CSMD1: variants seen among roughly 807,000 people sequenced by gnomAD.
The protein encoded by CSMD1 is CUB and sushi domain-containing protein 1.
Under a neutral mutation model 417.5 loss-of-function variants are expected in CSMD1, and 213 were observed. The observed-to-expected ratio is 0.51, with a 90% CI of 0.46 to 0.57. CSMD1 has a LOEUF of 0.57. Ranked by LOEUF, CSMD1 falls within the 20% of genes least tolerant of loss-of-function variation. The probability of loss-of-function intolerance (pLI) is 0.00; values close to 1 mark genes in which losing one functional copy is unlikely to be tolerated. For missense variants in CSMD1, 6,923 were observed against 4,529.7 expected (o/e 1.53, Z -15.17); for synonymous variants, 2,862 against 1,736.8 (o/e 1.65, Z -16.11).
At chr8:4,779,385 C>G (rs944690939) in intron 1 of CSMD1, among the ~76,000 whole-genome samples, 1 of 152,108 alleles carries the variant, frequency 6.6e-6, no homozygotes, top group Non-Finnish European at 1.5e-5. Context: ...TTCATAATCC[C>G]TTTAAAACTT....
chr8:3,682,036 T>C (rs953437532), intron 7 of CSMD1, among the ~76,000 whole-genome samples: 2 of 152,124 alleles, frequency 1.3e-5, no homozygotes, highest in African/African-American at 2.4e-5. Flanking sequence ...ATACAAAAAT[T>C]AATTCAAGAT....
At chr8:4,376,625 T>C (rs1414164778) in intron 3 of CSMD1, among the ~76,000 whole-genome samples, 1 of 152,202 alleles carries the variant, frequency 6.6e-6, no homozygotes, top group Non-Finnish European at 1.5e-5. Context: ...TTAAATAATA[T>C]TTCTTTTCAG....
At position 3,985,812 on chromosome 8, in the gene CSMD1, T is replaced by C. The variant is rs1020203116; in HGVS notation, c.818+12091A>G. Among the ~76,000 whole-genome samples the C allele has an allele frequency of 2.0e-5, 3 of 150,646 alleles. No individual in the cohort carries two copies. In the South Asian group the frequency reaches 6.3e-4, roughly 32 times the overall value. On this transcript the variant is annotated intron_variant, in intron 5 of 69. Coordinates refer to ENST00000635120, the MANE Select transcript of CSMD1 (RefSeq NM_033225.6). ...ACCCTGTCGCCCAGATTGGACAGGG[T>C]GAGACAGCATTCTTCAATGCTGAGA... is the stretch of plus-strand genomic sequence containing the variant.
chr8:4,153,357 C>G (rs990087118), intron 3 of CSMD1, among the ~76,000 whole-genome samples: 2 of 152,206 alleles, frequency 1.3e-5, no homozygotes, highest in South Asian at 4.1e-4. Context: ...GTGTCTCTTT[C>G]TACATTCTGG....
intron 5 of CSMD1, among the ~76,000 whole-genome samples, chr8:3,894,320 A>C (rs1286451228): frequency 6.6e-6 from 1 of 152,070 alleles, no homozygotes; most frequent in African/African-American, 2.4e-5. Context: ...TCACCACTGA[A>C]AGCTTTGCTC....
At chr8:3,522,602 C>G (rs988572850) in intron 10 of CSMD1, among the ~76,000 whole-genome samples, 1 of 151,924 alleles carries the variant, frequency 6.6e-6, no homozygotes, top group African/African-American at 2.4e-5. Context: ...TTCAGGCAGC[C>G]CACACTCCAA....
At chr8:3,652,532 G>T (rs1434946904) in intron 7 of CSMD1, among the ~76,000 whole-genome samples, 1 of 152,214 alleles carries the variant, frequency 6.6e-6, no homozygotes. Context: ...TTTCAGCATG[G>T]CTGGGGAGGC....
intron 13 of CSMD1, among the ~76,000 whole-genome samples, 174 bp from the exon 14 acceptor site, chr8:3,408,399 G>T (rs553343009): frequency 6.6e-6 from 1 of 152,044 alleles, no homozygotes; most frequent in Non-Finnish European, 1.5e-5. Context: ...TTCCTAATTT[G>T]TAAGTCGAAT....
intron 3 of CSMD1, among the ~76,000 whole-genome samples, chr8:4,140,595 G>A (rs1317807715): frequency 6.6e-6 from 1 of 151,004 alleles, no homozygotes; most frequent in Non-Finnish European, 1.5e-5. Context: ...TTGAACCCAA[G>A]AGGTCAAGGC....
intron 1 of CSMD1, among the ~76,000 whole-genome samples, chr8:4,920,511 G>A (rs113317175): frequency 6.6e-6 from 1 of 152,158 alleles, no homozygotes; most frequent in East Asian, 1.9e-4. Context: ...TAGTTACTGG[G>A]GACCTGTCCT....
chr8:4,739,263 T>A (rs1205406995), intron 1 of CSMD1, among the ~76,000 whole-genome samples: 1 of 152,198 alleles, frequency 6.6e-6, no homozygotes, highest in Non-Finnish European at 1.5e-5. Context: ...AATATAGCAA[T>A]GCAGCAATTT....
At chr8:3,817,952 CT>C (rs1174255711) in intron 5 of CSMD1, among the ~76,000 whole-genome samples, 6 of 152,132 alleles carry the variant, frequency 3.9e-5, no homozygotes, top group African/African-American at 1.2e-4. Flanking sequence ...TAAGTGGATT[CT>C]TTTGGTATCT....
chr8:4,888,524 A>T (rs142207861), intron 1 of CSMD1, among the ~76,000 whole-genome samples: 26 of 152,068 alleles, frequency 1.7e-4, no homozygotes, highest in African/African-American at 5.8e-4. Context: ...AGAGAGAGAG[A>T]GAGAGGTATG....
rs554749361 is a variant in CSMD1 at position 4,732,594 on chromosome 8, T to C, written c.86-95036A>G. Among the ~76,000 whole-genome samples, 17 of 152,270 alleles carry C rather than the reference T, an allele frequency of 1.1e-4. 1 individual carries two copies. The South Asian group carries it at 3.5e-3, about 32-fold the overall frequency. On this transcript the variant is annotated intron_variant, in intron 1 of 69. Transcript: ENST00000635120. ...ACCTGTCAGAGAAGCACTGCTTTCA[T>C]GACCACCCCAGACAGCAGAAGACAC...
At chr8:4,273,803 G>A (rs547573617) in intron 3 of CSMD1, among the ~76,000 whole-genome samples, 3 of 152,256 alleles carry the variant, frequency 2.0e-5, no homozygotes, top group African/African-American at 7.2e-5. Context: ...TATGTCTGGT[G>A]AAACCTGTAC....
chr8:3,554,371 C>T (rs1041616091), intron 10 of CSMD1, among the ~76,000 whole-genome samples: 2 of 152,140 alleles, frequency 1.3e-5, no homozygotes, highest in Non-Finnish European at 2.9e-5. Context: ...GGGCTGTGAA[C>T]CAATTTGGGA....
chr8:3,369,105 A>C (rs1399345235), intron 19 of CSMD1, 149 bp downstream of exon 19: 1 of 535,284 alleles, frequency 1.9e-6, no homozygotes, highest in East Asian at 3.0e-5. Context: ...TTCTTCCAAA[A>C]TCTTATTAAA....
intron 1 of CSMD1, among the ~76,000 whole-genome samples, chr8:4,771,313 T>C (rs1796584977): frequency 6.6e-6 from 1 of 152,208 alleles, no homozygotes; most frequent in East Asian, 1.9e-4. Context: ...GTATTAAAGT[T>C]TCTCCCAGCT....
intron 3 of CSMD1, among the ~76,000 whole-genome samples, chr8:4,411,389 G>T (rs1470533785): frequency 6.6e-6 from 1 of 151,862 alleles, no homozygotes; most frequent in Non-Finnish European, 1.5e-5. Context: ...CCACAGTGCT[G>T]GTCTTAGAAT....
Sources: gnomAD v4.1 joint callset for allele counts (sites outside exome capture counted in the v4.1 genomes callset) on GRCh38, gnomAD v4.1.1 for gene constraint, MANE v1.5 for transcripts, NCBI Gene and HGNC (gene_info 2026-07-23, HGNC 2026-07-21) for gene names.